Variants in SNX29 observed in about 807,000 individuals in gnomAD.
SNX29 encodes sorting nexin 29.
SNX29 carries 78 observed loss-of-function variants against 102.1 expected under a neutral mutation model. The observed-to-expected ratio is 0.76, with a 90% CI of 0.64 to 0.92. The LOEUF is 0.92. Among genes scored for constraint, SNX29 ranks in the 40% least tolerant of loss-of-function variants. The pLI, the probability that SNX29 is intolerant of heterozygous loss-of-function variation, is 0.00. For missense variants in SNX29, 1,280 were observed against 1,061.7 expected (o/e 1.21, Z -2.86); for synonymous variants, 580 against 414.5 (o/e 1.40, Z -4.85).
rs202120990 is a variant in SNX29, at chr16:12,052,130, C to T, written c.1032C>T (p.Ser344=). The change falls in exon 8 of 21, where the codon AGC becomes AGT. Residue 344 remains serine (S), a synonymous_variant. Coordinates refer to ENST00000566228, the MANE Select transcript of SNX29 (RefSeq NM_032167.5). ...GGTACCAGAAGCTTGATGTGAAAAGCATCGATGATGAAGATGTGGATGAAA... is the reference window on the plus strand; with the variant it reads ...GGTACCAGAAGCTTGATGTGAAAAGTATCGATGATGAAGATGTGGATGAAA... ...EFGYQKLDVK[S]IDDEDVDENE... is the part of the protein sequence containing the mutation. 7 of 1,613,924 alleles carry T rather than the reference C, an allele frequency of 4.3e-6. No individual in the cohort carries two copies. Among genetic ancestry groups the T allele is most frequent in the Non-Finnish European group, 5.1e-6 (6 of 1,179,862 alleles).
chr16:12,385,276 T>G (rs537925173), intron 16 of SNX29, among the ~76,000 whole-genome samples: 24 of 152,280 alleles, frequency 1.6e-4, no homozygotes, highest in Middle Eastern at 6.8e-3. Flanking sequence ...TTTGAAAGAA[T>G]AAACCTTGAC....
At position 12,002,995 on chromosome 16, in the gene SNX29, A is replaced by G. The variant is rs1184653497; in HGVS notation, c.74A>G (p.Gln25Arg). The G allele has an allele frequency of 6.2e-7, 1 of 1,614,126 alleles. No individual in the cohort carries two copies. The highest frequency in any genetic ancestry group is 1.3e-5 in the African/African-American group (1 of 74,952). Residue 25 changes from glutamine (Q) to arginine (R), a missense_variant, in exon 3 of 21, where the codon CAG (glutamine) becomes CGG (arginine). Gln to Arg is a conservative substitution (Grantham distance 43). Coordinates refer to ENST00000566228, the MANE Select transcript of SNX29 (RefSeq NM_032167.5). ...GCAGCTTCTTTTTCTGTGCAGTGCC[A>G]GATCCGCTTTGGAGGGAGAAAGGAG... ...ERLLDAVKQC[Q>R]IRFGGRKEIA...
chr16:12,055,120 T>A (rs1250000458), intron 8 of SNX29, among the ~76,000 whole-genome samples: 11 of 152,168 alleles, frequency 7.2e-5, no homozygotes, highest in Non-Finnish European at 1.2e-4. Context: ...GCGGACGTTC[T>A]GTGTGTGGAT....
chr16:12,544,982 C>T (rs1052000189), intron 20 of SNX29, among the ~76,000 whole-genome samples: 1 of 152,196 alleles, frequency 6.6e-6, no homozygotes. Flanking sequence ...GATTGAGTAA[C>T]TTGTCCTAGG....
chr16:12,040,964 C>A (rs1363769266), intron 4 of SNX29, among the ~76,000 whole-genome samples: 6 of 152,130 alleles, frequency 3.9e-5, no homozygotes, highest in Admixed American at 3.9e-4. Context: ...CAGGCGTGCG[C>A]CACCACACCC....
chr16:12,537,713 G>A (rs1402558652), intron 20 of SNX29, among the ~76,000 whole-genome samples: 1 of 152,052 alleles, frequency 6.6e-6, no homozygotes, highest in African/African-American at 2.4e-5. Flanking sequence ...TTGGAAAAAG[G>A]GAAGCAGAGT....
rs531782552 is a variant in SNX29 at position 12,346,764 on chromosome 16, G to C, written c.1783-9399G>C. ...AGGTGTTGGCTGCTATTGTAACATGGTCATTTCTGTGGATTCTGCCTTGGC... is the reference window on the plus strand; with the variant it reads ...AGGTGTTGGCTGCTATTGTAACATGCTCATTTCTGTGGATTCTGCCTTGGC... On this transcript the variant is annotated intron_variant, in intron 15 of 20. Transcript: ENST00000566228. Among the ~76,000 whole-genome samples the C allele has an allele frequency of 1.9e-4, 29 of 152,280 alleles. 1 individual carries two copies. In the East Asian group the frequency reaches 5.4e-3, roughly 28 times the overall value.
chr16:12,398,715 T>A (rs527565945), intron 17 of SNX29, among the ~76,000 whole-genome samples: 4 of 146,466 alleles, frequency 2.7e-5, no homozygotes, highest in Admixed American at 2.7e-4. Context: ...TTAAAAACAT[T>A]TTTTTTTTTT....
At chr16:12,029,145 C>G (rs1003202528) in intron 4 of SNX29, among the ~76,000 whole-genome samples, 1 of 150,128 alleles carries the variant, frequency 6.7e-6, no homozygotes, top group African/African-American at 2.5e-5. Context: ...TCTCCCGGGG[C>G]TAGGGTAAGT....
intron 18 of SNX29, among the ~76,000 whole-genome samples, chr16:12,451,829 A>G (rs2010721): frequency 0.38 from 58,017 of 152,184 alleles, 11,183 homozygotes; most frequent in South Asian, 0.46. Flanking sequence ...GCGCCACTGC[A>G]TTCTAGCCTG....
At chr16:12,563,255 C>T (rs1017284447) in intron 20 of SNX29, among the ~76,000 whole-genome samples, 3 of 152,130 alleles carry the variant, frequency 2.0e-5, no homozygotes, top group East Asian at 1.9e-4. Context: ...CTGACCCCGC[C>T]CAGGTAGCAG....
At chr16:12,515,994 G>A (rs1264107861) in intron 19 of SNX29, among the ~76,000 whole-genome samples, 1 of 152,142 alleles carries the variant, frequency 6.6e-6, no homozygotes, top group East Asian at 1.9e-4. Context: ...GGAAGGGGAA[G>A]CAGGGGAGGG....
At chr16:12,322,338 G>C (rs1352668386) in intron 15 of SNX29, among the ~76,000 whole-genome samples, 1 of 152,132 alleles carries the variant, frequency 6.6e-6, no homozygotes, top group Non-Finnish European at 1.5e-5. Context: ...TATCGCAAGA[G>C]AGGGCAGGGA....
At chr16:12,558,643 A>T (rs6498321) in intron 20 of SNX29, among the ~76,000 whole-genome samples, 2,577 of 152,234 alleles carry the variant, frequency 0.017, 58 homozygotes, top group South Asian at 0.11. Context: ...AAAGAAACCT[A>T]TTCTCCATCC....
At chr16:12,359,437 CAT>C (rs1567476270) in intron 16 of SNX29, among the ~76,000 whole-genome samples, 1 of 152,242 alleles carries the variant, frequency 6.6e-6, no homozygotes, top group East Asian at 1.9e-4. Context: ...CTGGGTTTCA[CAT>C]ATGACTTCTC....
chr16:12,125,104 A>G (rs2054148604), intron 11 of SNX29, among the ~76,000 whole-genome samples: 1 of 152,094 alleles, frequency 6.6e-6, no homozygotes, highest in South Asian at 2.1e-4. Flanking sequence ...GAAGTATAAT[A>G]TTTACCTGAT....
intron 20 of SNX29, among the ~76,000 whole-genome samples, chr16:12,557,016 C>CACCT (rs1555458246): frequency 8.4e-5 from 1 of 11,962 alleles, no homozygotes; most frequent in East Asian, 2.8e-3. Flanking sequence ...GGCTAATTTA[C>CACCT]CCCCCCCCCG....
intron 18 of SNX29, among the ~76,000 whole-genome samples, chr16:12,437,433 G>C (rs1317131704): frequency 1.3e-5 from 2 of 152,242 alleles, no homozygotes; most frequent in African/African-American, 2.4e-5. Flanking sequence ...TCAGGGGGTA[G>C]TGTGAGAGGA....
chr16:12,240,598 T>C (rs1270414655), intron 14 of SNX29, among the ~76,000 whole-genome samples: 2 of 128,688 alleles, frequency 1.6e-5, no homozygotes, highest in African/African-American at 5.9e-5. Flanking sequence ...TTTTTTTTTT[T>C]TTTTTTTTTT....
Sources: allele counts gnomAD v4.1 joint callset (sites outside exome capture counted in the v4.1 genomes callset), GRCh38; gene constraint gnomAD v4.1.1; transcripts MANE v1.5; gene names NCBI Gene and HGNC (gene_info 2026-07-23, HGNC 2026-07-21).